Variants in ADCY4 observed in about 807,000 individuals in gnomAD.
The protein encoded by ADCY4 is adenylate cyclase 4.
Under a neutral mutation model 125.5 loss-of-function variants are expected in ADCY4, and 111 were observed. That is an observed-to-expected ratio of 0.88 (90% CI 0.76 to 1.04). The LOEUF (loss-of-function observed/expected upper bound fraction) is 1.04, where lower values mean the gene tolerates loss of function less well. ADCY4 is among the 50% of genes least tolerant of loss of function. ADCY4 has a pLI of 0.00. For synonymous variants in ADCY4, 576 were observed against 586.9 expected (o/e 0.98, Z 0.27); for missense variants, 1,256 against 1,382.9 (o/e 0.91, Z 1.46).
chr14:24,330,121 C>A (rs1329920363), intron 7 of ADCY4, 47 bp downstream of exon 7: 2 of 1,602,214 alleles, frequency 1.2e-6, no homozygotes, highest in Non-Finnish European at 1.7e-6. Flanking sequence ...GCCTGCTGCC[C>A]CCCACATCCA....
Position 24,332,651 on chromosome 14 carries a change from C to T in ADCY4, c.390G>A (p.Ala130=). 60 of 1,588,272 alleles carry T rather than the reference C, an allele frequency of 3.8e-5. No individual in the cohort carries two copies. The highest frequency in any genetic ancestry group is 5.1e-5 in the Non-Finnish European group (60 of 1,167,616). Reference sequence around the variant, plus strand: ...GCATGCCCAAGGGCAGCATGGCATACGCCGTGAAGATGACGAAGAGAAAAT... The same window carrying T: ...GCATGCCCAAGGGCAGCATGGCATATGCCGTGAAGATGACGAAGAGAAAAT... ...VSYFLFVIFT[A]YAMLPLGMRD... The change falls in exon 3 of 25, where the codon GCG becomes GCA. Residue 130 remains alanine (A), a synonymous_variant. Coordinates refer to ENST00000418030, the MANE Select transcript of ADCY4 (RefSeq NM_001198568.2).
intron 14 of ADCY4, 110 bp from the exon 15 acceptor site, chr14:24,324,501 T>G (rs2041909707): frequency 7.7e-7 from 1 of 1,291,948 alleles, no homozygotes; most frequent in South Asian, 1.3e-5. Flanking sequence ...CTGGGGAATC[T>G]GGGTTGGCTG....
chr14:24,329,451 G>A lies in ADCY4; in HGVS notation c.1300C>T (p.Pro434Ser), dbSNP rs773348354. ...GGCTCCCCTAGCTCCCGAAGGTAGG[G>A]GTCCCGATGCTCCATGCCTGCGTCC... ...VEDAGMEHRD[P>S]YLRELGEPTY... Residue 434 changes from proline (P) to serine (S), a missense_variant, in exon 9 of 25, where the codon CCC (proline) becomes TCC (serine). By Grantham distance (74) the Pro-to-Ser change is moderately conservative (BLOSUM62 -1). Transcript: ENST00000418030. 1.9e-6 allele frequency: 3 copies of A among 1,581,298 alleles called. No homozygotes were observed. The highest frequency in any genetic ancestry group is 2.6e-6 in the Non-Finnish European group (3 of 1,166,570).
intron 17 of ADCY4, 67 bp downstream of exon 17, chr14:24,323,277 G>C: frequency 1.4e-6 from 2 of 1,468,956 alleles, no homozygotes; most frequent in Non-Finnish European, 1.9e-6. Context: ...CCTCCACTCA[G>C]GGGGCTGTGG....
At chr14:24,327,382 G>A (rs563224191) in intron 10 of ADCY4, among the ~76,000 whole-genome samples, 215 of 152,208 alleles carry the variant, frequency 1.4e-3, no homozygotes, top group African/African-American at 5.1e-3. Context: ...AGGCATTCCT[G>A]CTATGTAATT....
Position 24,325,439 on chromosome 14 carries a change from A to T in ADCY4, c.1761T>A (p.Tyr587Ter), listed in dbSNP as rs1165013685. The change falls in exon 14 of 25, where the codon TAT becomes TAA. Residue 587 changes from tyrosine to a stop codon, truncating the protein, a stop_gained. Coordinates refer to ENST00000418030, the MANE Select transcript of ADCY4 (RefSeq NM_001198568.2). LOFTEE classifies it high-confidence loss of function. ...RLSAIPAFKY[Y>*]EACTFLVFLS... The stretch of plus-strand genomic sequence containing the variant: ...GAAAAACCAGGAAGGTGCAGGCTTC[A>T]TAGTATTTGAAGGCGGGGATTGCAG... 1.2e-6 allele frequency: 2 copies of T among 1,613,832 alleles called. No homozygotes were observed. The highest frequency in any genetic ancestry group is 1.7e-6 in the Non-Finnish European group (2 of 1,179,988).
At chr14:24,332,475 C>A in intron 3 of ADCY4, 47 bp downstream of exon 3, 1 of 1,536,466 alleles carries the variant, frequency 6.5e-7, no homozygotes, top group Non-Finnish European at 8.8e-7. Context: ...CCTACTAGCA[C>A]GTGGCAGAGC....
chr14:24,330,444 C>T lies in ADCY4; in HGVS notation c.931-149G>A, dbSNP rs375379202. 53 of 1,049,170 alleles carry T rather than the reference C, an allele frequency of 5.1e-5. No individual in the cohort carries two copies. The South Asian group carries it at 7.7e-4, about 15-fold the overall frequency. 65.0% of individuals were successfully genotyped at this position (1,049,170 alleles called of 1,614,324 possible). A position where few individuals can be genotyped will look rare whatever the true frequency, so the allele number is the denominator to read the frequency against. Reference sequence around the variant, plus strand: ...AGATCAGATCTAGGGACTCCTTTCACTTGATATGGGGCTAACTGTCTTTCA... The same window carrying T: ...AGATCAGATCTAGGGACTCCTTTCATTTGATATGGGGCTAACTGTCTTTCA... On this transcript the variant is annotated intron_variant, in intron 6 of 24. Transcript: ENST00000418030.
At chr14:24,332,182 T>C in intron 3 of ADCY4, 1 of 477,438 alleles carries the variant, frequency 2.1e-6, no homozygotes, top group Non-Finnish European at 3.5e-6. Flanking sequence ...TGCAGGTAGG[T>C]TTCTTGTGCT....
chr14:24,327,262 G>A (rs1367836663), intron 10 of ADCY4, among the ~76,000 whole-genome samples: 3 of 152,030 alleles, frequency 2.0e-5, no homozygotes, highest in Non-Finnish European at 2.9e-5. Flanking sequence ...TGCTAGTGAA[G>A]GTCCTGCCTC....
In ADCY4 at chr14:24,330,306, G is replaced by A. The variant is rs772168860; in HGVS notation, c.931-11C>T. On this transcript the variant is annotated splice_polypyrimidine_tract_variant and intron_variant, in intron 6 of 24. Transcript: ENST00000418030. ...CATGCATTCATGCTCCTGGGAGTGT[G>A]TATGTGGGTGTGCAGAGGAACCTGG... 4.3e-6 allele frequency: 7 copies of A among 1,613,914 alleles called. No homozygotes were observed. The highest frequency in any genetic ancestry group is 3.3e-5 in the Admixed American group (2 of 60,000).
At chr14:24,327,987 T>C (rs1044595783) in intron 10 of ADCY4, among the ~76,000 whole-genome samples, 2 of 152,170 alleles carry the variant, frequency 1.3e-5, no homozygotes, top group Non-Finnish European at 2.9e-5. Context: ...CCTCACTCAA[T>C]AATCATAGCC....
In ADCY4 at chr14:24,326,896, A is replaced by ATTT. The variant is rs3078135; in HGVS notation, c.1525-557_1525-555dup. Among the ~76,000 whole-genome samples, 523 of 109,908 alleles carry ATTT rather than the reference A, an allele frequency of 4.8e-3. 40 individuals are homozygous for ATTT. Among genetic ancestry groups the ATTT allele is most frequent in the Middle Eastern group, 0.031 (5 of 160 alleles). The allele number at this position is 109,908 out of a possible 152,430, so 72.1% of individuals were successfully genotyped here. ...GGCATGAGCCACCGTACCTGGCTGG[A>ATTT]TTTTTTTTTTTTTTTTTGCAACGGA... On this transcript the variant is annotated intron_variant, in intron 10 of 24. Coordinates refer to ENST00000418030, the MANE Select transcript of ADCY4 (RefSeq NM_001198568.2).
chr14:24,331,032 C>G lies in ADCY4; in HGVS notation c.916G>C (p.Asp306His). The G allele has an allele frequency of 1.2e-6, 2 of 1,607,536 alleles. No individual in the cohort carries two copies. The highest frequency in any genetic ancestry group is 1.7e-6 in the Non-Finnish European group (2 of 1,175,224). ...TCTTCTCTGACCTTGGCAATCTGGT[C>G]GAACTTGCCAAAGAGCTCATTGAGC... is the stretch of plus-strand genomic sequence containing the variant. ...LMLNELFGKF[D>H]QIAKEHECMR... is the part of the protein sequence containing the mutation. The change falls in exon 6 of 25, where the codon GAC becomes CAC. Residue 306 changes from aspartate to histidine, a missense_variant. Physicochemically the swap from Asp to His is moderately conservative, Grantham distance 81 (BLOSUM62 -1). Transcript: ENST00000418030.
intron 16 of ADCY4, 66 bp from the exon 17 acceptor site, chr14:24,323,520 G>A (rs1167807081): frequency 3.2e-6 from 5 of 1,539,756 alleles, no homozygotes; most frequent in Non-Finnish European, 4.4e-6. Flanking sequence ...CTTGTGCTGG[G>A]TTTCAGCTGA....
Position 24,323,270 on chromosome 14 carries a change from C to T in ADCY4, c.2157+74G>A, listed in dbSNP as rs765728876. On this transcript the variant is annotated intron_variant, in intron 17 of 24. Transcript: ENST00000418030. ...CTAATCCACAGAATGGAGCGTTCCT[C>T]CACTCAGGGGGCTGTGGGCTTGGGC... is the stretch of plus-strand genomic sequence containing the variant. The T allele has an allele frequency of 1.7e-5, 25 of 1,457,478 alleles. No homozygotes were observed. In the East Asian group the frequency reaches 3.5e-4, roughly 20 times the overall value. 90.3% of individuals were successfully genotyped at this position (1,457,478 alleles called of 1,614,324 possible).
chr14:24,327,044 G>T (rs888395976), intron 10 of ADCY4, among the ~76,000 whole-genome samples: 32 of 151,712 alleles, frequency 2.1e-4, no homozygotes, highest in Admixed American at 1.6e-3. Context: ...TTGCAGGCAC[G>T]CACCACCACG....
intron 20 of ADCY4, 148 bp downstream of exon 20, chr14:24,321,918 T>C (rs1200673419): frequency 7.1e-7 from 1 of 1,399,546 alleles, no homozygotes; most frequent in Non-Finnish European, 9.3e-7. Flanking sequence ...GAATCTAAGA[T>C]GTTGTGAAAA....
intron 20 of ADCY4, chr14:24,321,657 T>C: frequency 3.5e-6 from 1 of 283,386 alleles, no homozygotes; most frequent in Non-Finnish European, 5.4e-6. Context: ...GAGAATCTGA[T>C]GCTGCTACTG....
Sources: allele counts gnomAD v4.1 joint callset (sites outside exome capture counted in the v4.1 genomes callset), GRCh38; gene constraint gnomAD v4.1.1; transcripts MANE v1.5; gene names NCBI Gene and HGNC (gene_info 2026-07-23, HGNC 2026-07-21).